CDK14: variants seen among roughly 807,000 people sequenced by gnomAD.
CDK14 encodes the protein cyclin dependent kinase 14.
CDK14 carries 34 observed loss-of-function variants against 60.7 expected under a neutral mutation model. The observed-to-expected ratio is 0.56, with a 90% CI of 0.43 to 0.75. CDK14 has a LOEUF of 0.75. CDK14 is among the 30% of genes least tolerant of loss of function. The probability of loss-of-function intolerance (pLI) is 0.00; values close to 1 mark genes in which losing one functional copy is unlikely to be tolerated. For missense variants in CDK14, 482 were observed against 564.1 expected, an observed-to-expected ratio of 0.85 and a Z score of 1.47; for synonymous variants, 197 against 203.7, an observed-to-expected ratio of 0.97 and a Z score of 0.28.
At chr7:90,900,503 A>G (rs3802040) in intron 7 of CDK14, among the ~76,000 whole-genome samples, 22,564 of 152,236 alleles carry the variant, frequency 0.15, 1,756 homozygotes, top group Non-Finnish European at 0.17. Context: ...TATTAGTATT[A>G]TAACATGAAC....
At chr7:90,942,305 T>C (rs998406534) in intron 8 of CDK14, among the ~76,000 whole-genome samples, 1 of 152,154 alleles carries the variant, frequency 6.6e-6, no homozygotes, top group Non-Finnish European at 1.5e-5. Flanking sequence ...GGAAGTCTCA[T>C]CTTAGATCTT....
At chr7:90,950,887 A>G (rs1172024508) in intron 8 of CDK14, among the ~76,000 whole-genome samples, 2 of 152,224 alleles carry the variant, frequency 1.3e-5, no homozygotes, top group East Asian at 3.8e-4. Flanking sequence ...CTAGAACACC[A>G]TAAGAAAATA....
chr7:90,964,796 A>G (rs2117605343), intron 9 of CDK14, among the ~76,000 whole-genome samples: 1 of 152,300 alleles, frequency 6.6e-6, no homozygotes, highest in Admixed American at 6.5e-5. Context: ...CTAATTTAGA[A>G]TCTATATCAC....
At chr7:91,056,967 C>G (rs1449468951) in intron 11 of CDK14, among the ~76,000 whole-genome samples, 3 of 151,910 alleles carry the variant, frequency 2.0e-5, no homozygotes, top group Non-Finnish European at 4.4e-5. Flanking sequence ...AGTTCCAGAT[C>G]CCTGAGGAAT....
intron 11 of CDK14, among the ~76,000 whole-genome samples, chr7:91,061,899 C>T (rs1211387288): frequency 6.6e-6 from 1 of 152,192 alleles, no homozygotes; most frequent in Non-Finnish European, 1.5e-5. Flanking sequence ...AAGCTGCAGG[C>T]TGAGAGAACC....
intron 7 of CDK14, among the ~76,000 whole-genome samples, chr7:90,908,782 G>C (rs1248906410): frequency 6.6e-6 from 1 of 152,188 alleles, no homozygotes; most frequent in Non-Finnish European, 1.5e-5. Flanking sequence ...AGAGGATGGA[G>C]AAAGAGGTTT....
intron 14 of CDK14, among the ~76,000 whole-genome samples, chr7:91,199,546 A>G (rs1366411573): frequency 6.6e-6 from 1 of 152,188 alleles, no homozygotes. Flanking sequence ...ATTCTTTTCA[A>G]TCAAGGCTAA....
intron 10 of CDK14, among the ~76,000 whole-genome samples, chr7:90,993,083 G>A (rs1183238824): frequency 1.3e-5 from 2 of 152,178 alleles, no homozygotes; most frequent in Non-Finnish European, 1.5e-5. Context: ...AAGAGACCCA[G>A]AGAGTGCTTT....
At chr7:90,724,139 A>AT (rs369161256) in intron 2 of CDK14, among the ~76,000 whole-genome samples, 3,173 of 144,294 alleles carry the variant, frequency 0.022, 91 homozygotes, top group African/African-American at 0.071. Flanking sequence ...CATGTTATCT[A>AT]TTTTTTTTTT....
chr7:90,685,649 ATTTTTTTTT>A (rs66912750), intron 2 of CDK14, among the ~76,000 whole-genome samples: 8 of 101,676 alleles, frequency 7.9e-5, no homozygotes, highest in Admixed American at 1.2e-4. Context: ...CAGCCAATTA[ATTTTTTTTT>A]TTTTTTTTTT....
At chr7:90,764,282 C>A (rs1470737003) in intron 4 of CDK14, among the ~76,000 whole-genome samples, 1 of 152,002 alleles carries the variant, frequency 6.6e-6, no homozygotes, top group East Asian at 1.9e-4. Context: ...TTCAAATGAC[C>A]TACTCAGGTG....
At chr7:90,743,342 A>G (rs752009119) in intron 3 of CDK14, among the ~76,000 whole-genome samples, 1 of 152,152 alleles carries the variant, frequency 6.6e-6, no homozygotes, top group Non-Finnish European at 1.5e-5. Flanking sequence ...AATGTTGTTA[A>G]TTATAGTCTT....
intron 2 of CDK14, chr7:90,632,310 C>A: frequency 6.6e-6 from 2 of 305,150 alleles, no homozygotes; most frequent in South Asian, 3.2e-5. Flanking sequence ...ACAAAACTGT[C>A]TCAGAGGCTG....
rs574079567 is a variant in CDK14, at chr7:90,795,889, G to C, written c.544+5237G>C. 2.6e-5 allele frequency among the ~76,000 whole-genome samples: 4 copies of C among 152,206 alleles called. No individual in the cohort carries two copies. In the South Asian group the frequency reaches 8.3e-4, roughly 32 times the overall value. ...GGTTCGTAGTGGTATTGAAGGACCA[G>C]TGTGACAAGCAGGCCCATCAGTGGG... is the stretch of plus-strand genomic sequence containing the variant. On this transcript the variant is annotated intron_variant, in intron 5 of 14. Coordinates refer to ENST00000380050, the MANE Select transcript of CDK14 (RefSeq NM_001287135.2).
intron 4 of CDK14, among the ~76,000 whole-genome samples, chr7:90,784,363 T>C (rs1805478176): frequency 6.6e-6 from 1 of 152,152 alleles, no homozygotes; most frequent in African/African-American, 2.4e-5. Context: ...ATAGGATGAC[T>C]ATAGTTAACA....
chr7:90,790,561 C>T lies in CDK14; in HGVS notation c.465-12C>T, dbSNP rs1805790111. Reference sequence around the variant, plus strand: ...TATTTTTATGAATTCACTTATCTTTCATTTCTCACAGGGTAAATGGGAAGT... The same window carrying T: ...TATTTTTATGAATTCACTTATCTTTTATTTCTCACAGGGTAAATGGGAAGT... On this transcript the variant is annotated splice_polypyrimidine_tract_variant and intron_variant, in intron 4 of 14. Transcript: ENST00000380050. 1 of 1,592,450 alleles carries T rather than the reference C, an allele frequency of 6.3e-7. No individual in the cohort carries two copies. The highest frequency in any genetic ancestry group is 8.6e-7 in the Non-Finnish European group (1 of 1,164,088).
At chr7:91,141,186 T>G (rs1800446001) in intron 14 of CDK14, among the ~76,000 whole-genome samples, 1 of 152,198 alleles carries the variant, frequency 6.6e-6, no homozygotes, top group Admixed American at 6.5e-5. Context: ...AAGCAGTCTT[T>G]GAGGAAGTGT....
intron 2 of CDK14, among the ~76,000 whole-genome samples, chr7:90,701,926 G>C (rs531002584): frequency 6.6e-6 from 1 of 152,194 alleles, no homozygotes; most frequent in South Asian, 2.1e-4. Flanking sequence ...TTTACAGGTC[G>C]AGAGACACTG....
intron 2 of CDK14, among the ~76,000 whole-genome samples, chr7:90,716,637 T>C (rs946428554): frequency 1.4e-4 from 21 of 152,084 alleles, no homozygotes; most frequent in Non-Finnish European, 8.8e-5. Context: ...ACATATTGGA[T>C]GTATATTATT....
Sources: allele counts gnomAD v4.1 joint callset (sites outside exome capture counted in the v4.1 genomes callset), GRCh38; gene constraint gnomAD v4.1.1; transcripts MANE v1.5; gene names NCBI Gene and HGNC (gene_info 2026-07-23, HGNC 2026-07-21).